PDPK1: variants seen among roughly 807,000 people sequenced by gnomAD.
PDPK1 encodes 3-phosphoinositide dependent protein kinase 1.
Under a neutral mutation model 39.8 loss-of-function variants are expected in PDPK1, and 7 were observed. The observed-to-expected ratio is 0.18, with a 90% CI of 0.10 to 0.33. The LOEUF is 0.33. PDPK1 is among the 10% of genes least tolerant of loss of function. The probability of loss-of-function intolerance (pLI) is 1.00; values close to 1 mark genes in which losing one functional copy is unlikely to be tolerated. For synonymous variants in PDPK1, 118 were observed against 159.1 expected (o/e 0.74, Z 1.95); for missense variants, 182 against 384.7 (o/e 0.47, Z 4.41).
intron 1 of PDPK1, among the ~76,000 whole-genome samples, chr16:2,550,162 G>A (rs1242274218): frequency 6.7e-6 from 1 of 150,220 alleles, no homozygotes; most frequent in Non-Finnish European, 1.5e-5. Context: ...GACTAACCAC[G>A]ATAATACATG....
At position 2,597,494 on chromosome 16, in the gene PDPK1, T is replaced by G. The variant is rs1405153905; in HGVS notation, c.1555-157T>G. On this transcript the variant is annotated intron_variant, in intron 13 of 13. Transcript: ENST00000342085. The surrounding 1 kb of genome is among the most constrained non-coding windows in gnomAD (Gnocchi z 6.3). ...GTTTGGTGGTGACTGGGGGTGGTGG[T>G]CATCAGCCTGTGTAGTTGCTTACTG... Among the ~76,000 whole-genome samples the G allele has an allele frequency of 6.6e-6, 1 of 152,136 alleles. No individual in the cohort carries two copies. The highest frequency in any genetic ancestry group is 2.4e-5 in the African/African-American group (1 of 41,426).
At position 2,546,883 on chromosome 16, in the gene PDPK1, G is replaced by A. The variant is rs1255627516; in HGVS notation, c.24+8747G>A. ...TGGTCCTTGGGGAGCCCAGCAGTGAGGATCTCAGCAGCCCACCTGTCTCAG... is the reference window on the plus strand; with the variant it reads ...TGGTCCTTGGGGAGCCCAGCAGTGAAGATCTCAGCAGCCCACCTGTCTCAG... On this transcript the variant is annotated intron_variant, in intron 1 of 13. Coordinates refer to ENST00000342085, the MANE Select transcript of PDPK1 (RefSeq NM_002613.5). Among the ~76,000 whole-genome samples the A allele has an allele frequency of 2.0e-5, 3 of 151,534 alleles. No individual in the cohort carries two copies. The East Asian group carries it at 5.8e-4, about 29-fold the overall frequency.
At chr16:2,592,856 G>C (rs1346917204) in intron 11 of PDPK1, 1 of 456,538 alleles carries the variant, frequency 2.2e-6, no homozygotes, top group Non-Finnish European at 4.4e-6. Flanking sequence ...CCATTTCATT[G>C]TCTCTCTCAG....
intron 1 of PDPK1, among the ~76,000 whole-genome samples, chr16:2,551,659 CT>C (rs1174322765): frequency 0.027 from 3,559 of 132,852 alleles, 93 homozygotes; most frequent in African/African-American, 0.074. Flanking sequence ...TGATTTCCAT[CT>C]TTTTTTTTTT....
chr16:2,538,035 G>T lies in PDPK1; in HGVS notation c.-78G>T, dbSNP rs1055128402. 2 of 653,704 alleles carry T rather than the reference G, an allele frequency of 3.1e-6. No homozygotes were observed. Among genetic ancestry groups the T allele is most frequent in the East Asian group, 9.2e-5 (1 of 10,862 alleles). The allele number at this position is 653,704 out of a possible 1,614,324, so 40.5% of individuals were successfully genotyped here. A position where few individuals can be genotyped will look rare whatever the true frequency, so the allele number is the denominator to read the frequency against. ...TGAGGGCGGCCATTGCTGGGGCTCC[G>T]CTTCGGGGAGGAGGACGCTGAGGAG... On this transcript the variant is annotated 5_prime_UTR_variant, in exon 1 of 14. Coordinates refer to ENST00000342085, the MANE Select transcript of PDPK1 (RefSeq NM_002613.5).
At chr16:2,544,575 C>T (rs921292848) in intron 1 of PDPK1, among the ~76,000 whole-genome samples, 11 of 152,050 alleles carry the variant, frequency 7.2e-5, no homozygotes, top group African/African-American at 2.4e-4. Context: ...TACATTACCC[C>T]CTCACCTCCC....
At chr16:2,586,452 T>C (rs1393828794) in intron 10 of PDPK1, among the ~76,000 whole-genome samples, 1 of 152,256 alleles carries the variant, frequency 6.6e-6, no homozygotes, top group Non-Finnish European at 1.5e-5. Flanking sequence ...TCTCTGGCCC[T>C]GATTCCCATG....
intron 6 of PDPK1, chr16:2,576,465 T>A (rs2141979256): frequency 7.0e-6 from 1 of 142,648 alleles, no homozygotes. Flanking sequence ...AGCCATGAAG[T>A]GTTTGTTTTT....
At chr16:2,540,667 G>T (rs1482461540) in intron 1 of PDPK1, among the ~76,000 whole-genome samples, 1 of 152,102 alleles carries the variant, frequency 6.6e-6, no homozygotes, top group Non-Finnish European at 1.5e-5. Context: ...TATTTCTTTG[G>T]CAGATGGCTG....
chr16:2,587,517 C>CT (rs1019675175), intron 11 of PDPK1, among the ~76,000 whole-genome samples: 5 of 151,284 alleles, frequency 3.3e-5, no homozygotes, highest in East Asian at 1.9e-4. Context: ...TATTTTGCAT[C>CT]TTTTTTTTTG....
Position 2,598,436 on chromosome 16 carries a change from T to TGGAGTGGTGCG in PDPK1, c.*674_*684dup, listed in dbSNP as rs1393039338. 4 of 234,124 alleles carry TGGAGTGGTGCG rather than the reference T, an allele frequency of 1.7e-5. No individual in the cohort carries two copies. Among genetic ancestry groups the TGGAGTGGTGCG allele is most frequent in the African/African-American group, 8.8e-5 (4 of 45,340 alleles). The allele number at this position is 234,124 out of a possible 1,614,324, so 14.5% of individuals were successfully genotyped here. Reference sequence around the variant, plus strand: ...TTGCGTGGTGAGGAGCGGGAGGGGTTGGAGTGGTGCGGGAGCAGGCTGCCG... The same window carrying TGGAGTGGTGCG: ...TTGCGTGGTGAGGAGCGGGAGGGGTTGGAGTGGTGCGGGAGTGGTGCGGGAGCAGGCTGCCG... On this transcript the variant is annotated 3_prime_UTR_variant, in exon 14 of 14. Transcript: ENST00000342085.
At chr16:2,560,225 C>T (rs1161433824) in intron 2 of PDPK1, among the ~76,000 whole-genome samples, 6 of 152,188 alleles carry the variant, frequency 3.9e-5, no homozygotes, top group African/African-American at 1.2e-4. Flanking sequence ...AAGGGTTCCA[C>T]TAAATATCGG....
Position 2,597,397 on chromosome 16 carries a change from T to A in PDPK1, c.1554+122T>A. On this transcript the variant is annotated intron_variant, in intron 13 of 13. Coordinates refer to ENST00000342085, the MANE Select transcript of PDPK1 (RefSeq NM_002613.5). The surrounding 1 kb of genome is among the most constrained non-coding windows in gnomAD (Gnocchi z 6.3). ...GGATCGGGGCAGCTGCCTCGCCCTT[T>A]CCGACATCCCAGACGCCCACACTAG... The A allele has an allele frequency of 1.1e-6, 1 of 905,078 alleles. No homozygotes were observed. The highest frequency in any genetic ancestry group is 1.7e-6 in the Non-Finnish European group (1 of 582,730). 56.1% of individuals were successfully genotyped at this position (905,078 alleles called of 1,614,324 possible). A position where few individuals can be genotyped will look rare whatever the true frequency, so the allele number is the denominator to read the frequency against.
intron 1 of PDPK1, among the ~76,000 whole-genome samples, chr16:2,540,980 T>A (rs533698141): frequency 6.6e-6 from 1 of 152,154 alleles, no homozygotes; most frequent in South Asian, 2.1e-4. Flanking sequence ...TTCTCTCTCC[T>A]TTTGGGGAGT....
In PDPK1 at chr16:2,598,841, C is replaced by T. The variant is rs963174872; in HGVS notation, c.*1074C>T. 21 of 233,362 alleles carry T rather than the reference C, an allele frequency of 9.0e-5. No homozygotes were observed. Among genetic ancestry groups the T allele is most frequent in the Admixed American group, 5.1e-4 (9 of 17,804 alleles). 14.5% of individuals were successfully genotyped at this position (233,362 alleles called of 1,614,324 possible). A position where few individuals can be genotyped will look rare whatever the true frequency, so the allele number is the denominator to read the frequency against. ...GGAGTGCAGACACCACCGTCACACA[C>T]GCCCCTTTTGTGTTTTGGTTCAAGT... On this transcript the variant is annotated 3_prime_UTR_variant, in exon 14 of 14. Coordinates refer to ENST00000342085, the MANE Select transcript of PDPK1 (RefSeq NM_002613.5).
chr16:2,577,563 A>G, intron 7 of PDPK1, 63 bp downstream of exon 7: 1 of 1,182,940 alleles, frequency 8.5e-7, no homozygotes. Flanking sequence ...TATTTGAGAG[A>G]GTGAATTTGG....
chr16:2,586,641 A>G lies in PDPK1; in HGVS notation c.1126-35A>G, dbSNP rs1479196525. ...GGTTTTAGGACCTTAGAGGCAAGTG[A>G]AGGTGCGGTTCTCACTTTCCCTTCT... On this transcript the variant is annotated intron_variant, in intron 10 of 13. Coordinates refer to ENST00000342085, the MANE Select transcript of PDPK1 (RefSeq NM_002613.5). 3.2e-6 allele frequency: 5 copies of G among 1,583,572 alleles called. No homozygotes were observed. The South Asian group carries it at 5.5e-5, about 18-fold the overall frequency.
At position 2,597,977 on chromosome 16, in the gene PDPK1, AG is replaced by A; in HGVS notation, c.*213del. The stretch of plus-strand genomic sequence containing the variant: ...ACCAGTAACAAACACAAAGGAATTC[AG>A]GGTCGCTTTGCTTGCTCTCTGTGCT... On this transcript the variant is annotated 3_prime_UTR_variant, in exon 14 of 14. Transcript: ENST00000342085. This position sits in a 1 kb window ranked among gnomAD's most constrained non-coding sequence, Gnocchi z 6.3. The A allele has an allele frequency of 1.7e-6, 1 of 573,832 alleles. No individual in the cohort carries two copies. The highest frequency in any genetic ancestry group is 3.1e-6 in the Non-Finnish European group (1 of 322,410). The allele number at this position is 573,832 out of a possible 1,614,324, so 35.5% of individuals were successfully genotyped here.
rs946827359 is a variant in PDPK1, at chr16:2,553,302, G to A, written c.25-4401G>A. On this transcript the variant is annotated intron_variant, in intron 1 of 13. Coordinates refer to ENST00000342085, the MANE Select transcript of PDPK1 (RefSeq NM_002613.5). ...TGATCCTCCCACCTCAGCTGGAAGT[G>A]GAACCACAGGTGCACACCACCGTGC... is the stretch of plus-strand genomic sequence containing the variant. Among the ~76,000 whole-genome samples the A allele has an allele frequency of 1.0e-3, 140 of 137,170 alleles. 5 individuals are homozygous for A. The highest frequency in any genetic ancestry group is 3.0e-3 in the Admixed American group (43 of 14,210). 90.0% of individuals were successfully genotyped at this position (137,170 alleles called of 152,430 possible).
Sources: gnomAD v4.1 joint callset for allele counts (sites outside exome capture counted in the v4.1 genomes callset) on GRCh38, gnomAD v4.1.1 for gene constraint, Gnocchi (gnomAD v3.1) non-coding constraint, MANE v1.5 for transcripts, NCBI Gene and HGNC (gene_info 2026-07-23, HGNC 2026-07-21) for gene names.